Variants in TASOR observed in about 807,000 individuals in gnomAD.
The protein encoded by TASOR is transcription activation suppressor, also known as protein TASOR.
TASOR carries 53 observed loss-of-function variants against 178.6 expected under a neutral mutation model. The ratio of observed to expected loss-of-function variants is 0.30; its 90% CI spans 0.24 to 0.37. The LOEUF (loss-of-function observed/expected upper bound fraction) is 0.37. TASOR is among the 10% of genes least tolerant of loss of function. The pLI is 1.00. For missense variants in TASOR, 1,815 were observed against 1,971.4 expected, an observed-to-expected ratio of 0.92 and a Z score of 1.50; for synonymous variants, 713 against 696.2, an observed-to-expected ratio of 1.02 and a Z score of -0.38.
At position 56,621,492 on chromosome 3, in the gene TASOR, T is replaced by G. The variant is rs1454036647; in HGVS notation, c.*1545A>C. ...TTAACACAACATTGCAAGTCAGGTG[T>G]GCACATTTTACTAACAAACATATAT... is the stretch of plus-strand genomic sequence containing the variant. On this transcript the variant is annotated 3_prime_UTR_variant, in exon 24 of 24. Transcript: ENST00000683822. 2.4e-6 allele frequency: 3 copies of G among 1,240,120 alleles called. No individual in the cohort carries two copies. Among genetic ancestry groups the G allele is most frequent in the South Asian group, 1.3e-5 (1 of 74,222 alleles). The allele number at this position is 1,240,120 out of a possible 1,614,324, so 76.8% of individuals were successfully genotyped here. A position where few individuals can be genotyped will look rare whatever the true frequency, so the allele number is the denominator to read the frequency against.
chr3:56,623,084 T>G lies in TASOR; in HGVS notation c.4966A>C (p.Ser1656Arg). 1 of 1,607,284 alleles carries G rather than the reference T, an allele frequency of 6.2e-7. No homozygotes were observed. Among genetic ancestry groups the G allele is most frequent in the South Asian group, 1.1e-5 (1 of 88,842 alleles). ...LDRDKSPPPL[S>R]WGKSDSSRPY... ...CTGGAAGAATCACTTTTCCCCCAAC[T>G]TAAGGGAGGTGGAGATTTATCTCTA... Residue 1656 changes from serine to arginine, a missense_variant, in exon 24 of 24, where the codon AGT becomes CGT. By Grantham distance (110) the Ser-to-Arg change is moderately radical. Around this residue, in one of 5 missense-constraint regions of TASOR, gnomAD observed 278 missense variants for 257.1 expected, o/e 1.08. Coordinates refer to ENST00000683822, the MANE Select transcript of TASOR (RefSeq NM_001365635.2).
At chr3:56,654,054 C>T (rs758197552) in intron 11 of TASOR, among the ~76,000 whole-genome samples, 16 of 152,014 alleles carry the variant, frequency 1.1e-4, no homozygotes, top group Non-Finnish European at 2.4e-4. Context: ...ATCACTTGAG[C>T]CCAGGAGTTT....
intron 11 of TASOR, among the ~76,000 whole-genome samples, chr3:56,660,084 A>G (rs1185777130): frequency 6.6e-6 from 1 of 151,752 alleles, no homozygotes; most frequent in East Asian, 2.0e-4. Context: ...GATGGTCCCG[A>G]TCTCCTGATC....
In TASOR at chr3:56,648,844, T is replaced by C; in HGVS notation, c.1491A>G (p.Gln497=). 2 of 1,611,734 alleles carry C rather than the reference T, an allele frequency of 1.2e-6. No homozygotes were observed. The highest frequency in any genetic ancestry group is 1.1e-5 in the South Asian group (1 of 90,306). ...TACAAGTAACTATGCTTCTAGGTTC[T>C]TGAAATAGAAACAAAGCATGTAGGA... ...SRVLHALFLF[Q]EPRSIVTSQK... The change falls in exon 13 of 24, where the codon CAA becomes CAG. Residue 497 remains glutamine, a synonymous_variant. Transcript: ENST00000683822.
chr3:56,644,864 G>A (rs1292306462), intron 14 of TASOR, among the ~76,000 whole-genome samples: 1 of 152,162 alleles, frequency 6.6e-6, no homozygotes, highest in Non-Finnish European at 1.5e-5. Flanking sequence ...TTCTCTCTCT[G>A]TACTAATACA....
At chr3:56,657,078 T>G (rs1578255515) in intron 11 of TASOR, among the ~76,000 whole-genome samples, 1 of 147,358 alleles carries the variant, frequency 6.8e-6, no homozygotes, top group African/African-American at 2.5e-5. Context: ...GCCTGTAATC[T>G]CAGCACTTTC....
intron 5 of TASOR, 118 bp downstream of exon 5, chr3:56,669,582 G>T (rs1241172210): frequency 1.1e-5 from 7 of 613,872 alleles, no homozygotes; most frequent in Non-Finnish European, 1.9e-5. Context: ...GTATCTTTAA[G>T]TACCAAACAC....
chr3:56,681,512 C>T (rs559467964), intron 1 of TASOR, among the ~76,000 whole-genome samples: 73 of 152,246 alleles, frequency 4.8e-4, no homozygotes, highest in Non-Finnish European at 9.4e-4. Context: ...TTGTATTTTT[C>T]CAATAAAAGG....
chr3:56,646,087 G>A (rs1224316572), intron 14 of TASOR, among the ~76,000 whole-genome samples: 9 of 152,180 alleles, frequency 5.9e-5, no homozygotes, highest in African/African-American at 2.2e-4. Flanking sequence ...GGTGGAGCTT[G>A]CAGTGAGCCG....
intron 21 of TASOR, 48 bp downstream of exon 21, chr3:56,626,989 A>T: frequency 8.9e-7 from 1 of 1,129,872 alleles, no homozygotes; most frequent in Non-Finnish European, 1.3e-6. Context: ...TATTATGAGT[A>T]CAATGTTAAA....
At chr3:56,648,950 G>A (rs1238019767) in intron 12 of TASOR, 35 bp downstream of exon 12, 1 of 1,596,096 alleles carries the variant, frequency 6.3e-7, no homozygotes, top group Non-Finnish European at 8.5e-7. Context: ...AGTTAAGAAA[G>A]AATTGTAAAA....
In TASOR at chr3:56,682,828, T is replaced by G; in HGVS notation, c.179A>C (p.Asn60Thr). ...GCTCTGGGCGGCCTCGGCCCCCGCG[T>G]TCTCCTCACGCCCAGCGCCGCCGCT... ...EPSGGAGREE[N>T]AGAEAAQSLS... Residue 60 changes from asparagine to threonine, a missense_variant, in exon 1 of 24, where the codon AAC (asparagine) becomes ACC (threonine). This residue lies in a region of TASOR where 244 missense variants were observed against 202.7 expected (regional missense o/e 1.20). Transcript: ENST00000683822. The G allele has an allele frequency of 6.5e-7, 1 of 1,550,368 alleles. No individual in the cohort carries two copies. The highest frequency in any genetic ancestry group is 8.7e-7 in the Non-Finnish European group (1 of 1,146,412).
At chr3:56,640,908 T>C (rs2077107913) in intron 15 of TASOR, among the ~76,000 whole-genome samples, 2 of 152,080 alleles carry the variant, frequency 1.3e-5, no homozygotes, top group Non-Finnish European at 2.9e-5. Flanking sequence ...TCCATTCCTA[T>C]TTGCGTAAGA....
At position 56,633,065 on chromosome 3, in the gene TASOR, A is replaced by T. The variant is rs1036460943; in HGVS notation, c.3726T>A (p.Ser1242Arg). ...VKFYIHEEEESVLCKEIKEYL... is the reference protein window; with the variant it reads ...VKFYIHEEEERVLCKEIKEYL... The stretch of plus-strand genomic sequence containing the variant: ...TTACCTTTATTTCTTTACAGAGCAC[A>T]CTCTCTTCTTCTTCATGAATATAAA... Residue 1242 changes from serine to arginine, a missense_variant, in exon 18 of 24, where the codon AGT becomes AGA. This residue lies in a region of TASOR where 655 missense variants were observed against 671.1 expected (regional missense o/e 0.98). Coordinates refer to ENST00000683822, the MANE Select transcript of TASOR (RefSeq NM_001365635.2). The T allele has an allele frequency of 1.3e-6, 2 of 1,596,052 alleles. No homozygotes were observed. Among genetic ancestry groups the T allele is most frequent in the Non-Finnish European group, 1.7e-6 (2 of 1,173,866 alleles).
At chr3:56,665,114 G>T (rs951054831) in intron 7 of TASOR, among the ~76,000 whole-genome samples, 1 of 152,058 alleles carries the variant, frequency 6.6e-6, no homozygotes, top group Non-Finnish European at 1.5e-5. Flanking sequence ...AGCTATGACT[G>T]CACCGCTTTA....
chr3:56,633,266 A>C lies in TASOR; in HGVS notation c.3525T>G (p.Asp1175Glu). ...QHATELMVTS[D>E]HIVPGDMARE... The stretch of plus-strand genomic sequence containing the variant: ...GGGCCATATCACCAGGTACAATATG[A>C]TCAGAAGTCACCATTAACTCTGTGG... Residue 1175 changes from aspartate (D) to glutamate (E), a missense_variant, in exon 18 of 24, where the codon GAT (aspartate) becomes GAG (glutamate). This residue lies in a region of TASOR where 655 missense variants were observed against 671.1 expected (regional missense o/e 0.98). Transcript: ENST00000683822. 6.2e-7 allele frequency: 1 copy of C among 1,614,214 alleles called. No homozygotes were observed. Among genetic ancestry groups the C allele is most frequent in the Non-Finnish European group, 8.5e-7 (1 of 1,180,042 alleles).
chr3:56,626,602 G>C (rs1392807939), intron 21 of TASOR, among the ~76,000 whole-genome samples: 1 of 152,090 alleles, frequency 6.6e-6, no homozygotes, highest in Non-Finnish European at 1.5e-5. Context: ...AATTAGCTGG[G>C]CATGGTGGCG....
chr3:56,674,896 G>A (rs2031142261), intron 1 of TASOR, among the ~76,000 whole-genome samples: 3 of 152,156 alleles, frequency 2.0e-5, no homozygotes, highest in African/African-American at 2.4e-5. Context: ...TTGGCTCACT[G>A]CAAGCTCCGC....
At chr3:56,659,345 C>T (rs1237498692) in intron 11 of TASOR, among the ~76,000 whole-genome samples, 1 of 152,172 alleles carries the variant, frequency 6.6e-6, no homozygotes, top group African/African-American at 2.4e-5. Context: ...TTTAGCAAGA[C>T]AAAAAGAAAC....
Sources: allele counts gnomAD v4.1 joint callset (sites outside exome capture counted in the v4.1 genomes callset), GRCh38; gene constraint gnomAD v4.1.1; regional missense constraint gnomAD v4.1.1; transcripts MANE v1.5; gene names NCBI Gene and HGNC (gene_info 2026-07-23, HGNC 2026-07-21).